The following EXD1 variants were observed in gnomAD, a reference collection of about 807,000 sequenced individuals.
EXD1 encodes piRNA biogenesis protein EXD1.
In EXD1, 63 loss-of-function variants were observed where a neutral mutation model predicts 49.1. The observed-to-expected ratio is 1.28, with a 90% CI of 1.05 to 1.58. EXD1 has a LOEUF of 1.58. Ranked by LOEUF, EXD1 falls within the 40% of genes most tolerant of loss-of-function variation. EXD1 has a pLI of 0.00. For synonymous variants in EXD1, 234 were observed against 239.2 expected (o/e 0.98, Z 0.20); for missense variants, 748 against 666.0 (o/e 1.12, Z -1.36).
intron 7 of EXD1, among the ~76,000 whole-genome samples, chr15:41,200,762 G>A (rs1201422520): frequency 6.6e-6 from 1 of 152,124 alleles, no homozygotes; most frequent in African/African-American, 2.4e-5. Flanking sequence ...CAGGTAAACA[G>A]TCTCAGAATT....
chr15:41,207,455 T>G (rs61495227), intron 7 of EXD1, among the ~76,000 whole-genome samples: 40,878 of 151,654 alleles, frequency 0.27, 7,434 homozygotes, highest in African/African-American at 0.51. Context: ...CAGGAGAATT[T>G]CTTGAACCCG....
At chr15:41,184,952 G>A (rs1347648195) in intron 11 of EXD1, among the ~76,000 whole-genome samples, 3 of 152,228 alleles carry the variant, frequency 2.0e-5, no homozygotes, top group East Asian at 3.9e-4. Context: ...CATAGTGCCC[G>A]GCCTGAAATC....
At chr15:41,211,908 G>A (rs2046926977) in intron 6 of EXD1, among the ~76,000 whole-genome samples, 1 of 151,990 alleles carries the variant, frequency 6.6e-6, no homozygotes, top group South Asian at 2.1e-4. Flanking sequence ...AGGTTGCAGT[G>A]AGCCAAGATC....
At chr15:41,223,175 C>T (rs927553134) in intron 2 of EXD1, among the ~76,000 whole-genome samples, 5 of 152,250 alleles carry the variant, frequency 3.3e-5, no homozygotes, top group African/African-American at 9.6e-5. Context: ...AATTCCAGCA[C>T]TTTGGAGGCT....
chr15:41,229,090 C>G (rs979131332), intron 1 of EXD1, among the ~76,000 whole-genome samples: 3 of 152,196 alleles, frequency 2.0e-5, no homozygotes, highest in African/African-American at 7.2e-5. Context: ...TACAAAGCAG[C>G]TCCAGTGATT....
intron 3 of EXD1, among the ~76,000 whole-genome samples, chr15:41,217,691 A>C (rs1431897252): frequency 6.6e-6 from 1 of 151,896 alleles, no homozygotes; most frequent in Non-Finnish European, 1.5e-5. Flanking sequence ...ATGCGCCACC[A>C]CACACAGCTA....
intron 7 of EXD1, among the ~76,000 whole-genome samples, chr15:41,199,876 TC>T (rs1198104355): frequency 3.5e-5 from 5 of 144,694 alleles, no homozygotes; most frequent in African/African-American, 1.0e-4. Context: ...TGTATATATA[TC>T]ATATATATAT....
At chr15:41,222,500 C>T (rs551570896) in intron 2 of EXD1, among the ~76,000 whole-genome samples, 4 of 152,306 alleles carry the variant, frequency 2.6e-5, no homozygotes, top group East Asian at 3.9e-4. Context: ...TTTCCTAATT[C>T]AAGCACTTCT....
At chr15:41,214,403 C>T (rs559850620) in intron 6 of EXD1, among the ~76,000 whole-genome samples, 43 of 151,644 alleles carry the variant, frequency 2.8e-4, no homozygotes, top group Middle Eastern at 3.4e-3. Flanking sequence ...ATACCAGCTA[C>T]TCAGGAGGCT....
At chr15:41,187,971 C>T (rs111522288) in intron 11 of EXD1, among the ~76,000 whole-genome samples, 30,635 of 144,246 alleles carry the variant, frequency 0.21, 3,496 homozygotes, top group Non-Finnish European at 0.26. Flanking sequence ...GCCGGTATCA[C>T]ACCACTTCAC....
At chr15:41,196,770 T>C (rs546389552) in intron 7 of EXD1, among the ~76,000 whole-genome samples, 1 of 152,048 alleles carries the variant, frequency 6.6e-6, no homozygotes, top group African/African-American at 2.4e-5. Flanking sequence ...TTTCACCATG[T>C]TGGCCAGGCT....
chr15:41,216,829 T>C, intron 4 of EXD1, 34 bp from the exon 5 acceptor site: 6 of 1,608,222 alleles, frequency 3.7e-6, no homozygotes, highest in Non-Finnish European at 5.1e-6. Flanking sequence ...TGGGTGAACT[T>C]GTTCTTTGTT....
At chr15:41,212,311 C>T (rs576149353) in intron 6 of EXD1, among the ~76,000 whole-genome samples, 7 of 151,780 alleles carry the variant, frequency 4.6e-5, no homozygotes, top group Non-Finnish European at 1.0e-4. Flanking sequence ...AAAAATAAGC[C>T]GGGCGTGGTG....
intron 7 of EXD1, among the ~76,000 whole-genome samples, chr15:41,197,657 T>A (rs2140841147): frequency 6.6e-6 from 1 of 152,036 alleles, no homozygotes; most frequent in East Asian, 1.9e-4. Flanking sequence ...TTTCCCTTTT[T>A]TTTTTGAGAC....
intron 1 of EXD1, among the ~76,000 whole-genome samples, chr15:41,229,645 G>GT (rs1383243456): frequency 6.6e-6 from 1 of 152,158 alleles, no homozygotes. Context: ...GCGCATGCCT[G>GT]TAACCCCAGC....
At chr15:41,214,163 AAAAACAAAAC>A (rs1211903575) in intron 6 of EXD1, among the ~76,000 whole-genome samples, 3 of 151,892 alleles carry the variant, frequency 2.0e-5, no homozygotes, top group Non-Finnish European at 2.9e-5. Flanking sequence ...ACTCCATCTC[AAAAACAAAAC>A]AAAACAAAAC....
intron 2 of EXD1, among the ~76,000 whole-genome samples, chr15:41,225,604 C>T (rs769157883): frequency 8.0e-4 from 118 of 147,648 alleles, no homozygotes; most frequent in Non-Finnish European, 1.4e-3. Flanking sequence ...AAAAAAAGGC[C>T]GGGAGCGGTG....
rs541351424 is a variant in EXD1, at chr15:41,194,846, C to T, written c.720+929G>A. Among the ~76,000 whole-genome samples the T allele has an allele frequency of 1.4e-4, 21 of 152,258 alleles. 1 individual carries two copies. In the South Asian group the frequency reaches 4.4e-3, roughly 32 times the overall value. ...GGAGTAAGCATAAAAGCAATCTCTA[C>T]AAATGGCAGCAAATACATTATAAGT... is the stretch of plus-strand genomic sequence containing the variant. On this transcript the variant is annotated intron_variant, in intron 9 of 11. Coordinates refer to ENST00000458580, the MANE Select transcript of EXD1 (RefSeq NM_001286441.2).
At chr15:41,195,308 T>C (rs1450522366) in intron 9 of EXD1, among the ~76,000 whole-genome samples, 1 of 152,170 alleles carries the variant, frequency 6.6e-6, no homozygotes, top group Non-Finnish European at 1.5e-5. Flanking sequence ...ACAAATTATA[T>C]CACTTCAGGC....
Sources: allele counts gnomAD v4.1 joint callset (sites outside exome capture counted in the v4.1 genomes callset), GRCh38; gene constraint gnomAD v4.1.1; transcripts MANE v1.5; gene names NCBI Gene and HGNC (gene_info 2026-07-23, HGNC 2026-07-21).